Variants in ATP10B observed in about 807,000 individuals in gnomAD.
ATP10B encodes the protein phospholipid-transporting ATPase VB.
A neutral mutation model predicts 141.2 loss-of-function variants in ATP10B; 122 were observed. The observed-to-expected ratio is 0.86, with a 90% CI of 0.75 to 1.00. ATP10B has a LOEUF of 1.00. Ranked by LOEUF, ATP10B falls within the 50% of genes least tolerant of loss-of-function variation. ATP10B has a pLI of 0.00. For synonymous variants in ATP10B, 685 were observed against 692.0 expected (o/e 0.99, Z 0.16); for missense variants, 1,876 against 1,825.3 (o/e 1.03, Z -0.51).
At chr5:160,766,714 A>G (rs1769461977) in intron 2 of ATP10B, among the ~76,000 whole-genome samples, 1 of 152,234 alleles carries the variant, frequency 6.6e-6, no homozygotes, top group Non-Finnish European at 1.5e-5. Context: ...TTAACCAAAT[A>G]CCACCTGTTC....
At chr5:160,621,841 C>T (rs1561662102) in intron 14 of ATP10B, among the ~76,000 whole-genome samples, 1 of 152,112 alleles carries the variant, frequency 6.6e-6, no homozygotes, top group Non-Finnish European at 1.5e-5. Context: ...GCATTTTTTT[C>T]CATGGGAAGA....
At chr5:160,591,773 T>C (rs7737213) in intron 22 of ATP10B, among the ~76,000 whole-genome samples, 110,708 of 152,048 alleles carry the variant, frequency 0.73, 41,031 homozygotes, top group East Asian at 0.84. Context: ...AGGAATTTGC[T>C]ATGCAGTCAG....
At chr5:160,802,074 G>A (rs1204630527) in intron 1 of ATP10B, among the ~76,000 whole-genome samples, 1 of 152,194 alleles carries the variant, frequency 6.6e-6, no homozygotes, top group African/African-American at 2.4e-5. Context: ...TGTTGGTTGA[G>A]ACGTTGAAGG....
chr5:160,735,526 T>G (rs1322443223), intron 2 of ATP10B, among the ~76,000 whole-genome samples: 1 of 152,080 alleles, frequency 6.6e-6, no homozygotes, highest in Non-Finnish European at 1.5e-5. Context: ...AAGAGAGAGA[T>G]AGACCCCAAT....
At position 160,563,934 on chromosome 5, in the gene ATP10B, GCAGTGAAACAGTGTATTAGCTCCAGGA is replaced by G. The variant is rs1754396858; in HGVS notation, c.*1492_*1518del. On this transcript the variant is annotated 3_prime_UTR_variant, in exon 26 of 26. Transcript: ENST00000327245. ...GTGCTGGCATCATTATATGGCAGAG[GCAGTGAAACAGTGTATTAGCTCCAGGA>G]CAGTGCTGCAAATGGCCCTTCCAGT... 1 of 152,196 alleles carries G rather than the reference GCAGTGAAACAGTGTATTAGCTCCAGGA, an allele frequency of 6.6e-6. No individual in the cohort carries two copies. Among genetic ancestry groups the G allele is most frequent in the Non-Finnish European group, 1.5e-5 (1 of 68,050 alleles). The allele number at this position is 152,196 out of a possible 1,614,324, so 9.4% of individuals were successfully genotyped here.
chr5:160,875,331 T>C, the ATP10B span, among the ~76,000 whole-genome samples: 1 of 85,832 alleles, frequency 1.2e-5, no homozygotes, highest in Admixed American at 1.2e-4. Flanking sequence ...GACAAGCAAA[T>C]GCTGAGAGAT....
At chr5:160,873,841 G>C in the ATP10B span, among the ~76,000 whole-genome samples, 5 of 152,210 alleles carry the variant, frequency 3.3e-5, no homozygotes, top group Admixed American at 6.5e-5. Flanking sequence ...TTAAAAAATG[G>C]TGCACCACGA....
chr5:160,628,656 C>T (rs1033099533), intron 13 of ATP10B, among the ~76,000 whole-genome samples: 3 of 152,096 alleles, frequency 2.0e-5, no homozygotes, highest in African/African-American at 7.2e-5. Context: ...GCCTAACTGG[C>T]CCCAATACAA....
In ATP10B at chr5:160,565,269, G is replaced by T; in HGVS notation, c.*184C>A. 1.6e-6 allele frequency: 1 copy of T among 621,718 alleles called. No individual in the cohort carries two copies. The highest frequency in any genetic ancestry group is 2.8e-6 in the Non-Finnish European group (1 of 357,822). The allele number at this position is 621,718 out of a possible 1,614,324, so 38.5% of individuals were successfully genotyped here. A position where few individuals can be genotyped will look rare whatever the true frequency, so the allele number is the denominator to read the frequency against. On this transcript the variant is annotated 3_prime_UTR_variant, in exon 26 of 26. Coordinates refer to ENST00000327245, the MANE Select transcript of ATP10B (RefSeq NM_025153.3). ...TGAGAGCAGCAGAAAACTAGAGGCC[G>T]ACTGGGTTTCCCGTCTTTGTGTCAG...
At chr5:160,843,901 T>TAA (rs1198096402) in intron 1 of ATP10B, among the ~76,000 whole-genome samples, 2 of 152,106 alleles carry the variant, frequency 1.3e-5, no homozygotes, top group African/African-American at 4.8e-5. Context: ...TACTTTTCTG[T>TAA]AATTTATTTT....
At chr5:160,722,101 G>A (rs573160616) in intron 2 of ATP10B, among the ~76,000 whole-genome samples, 2 of 152,268 alleles carry the variant, frequency 1.3e-5, no homozygotes, top group East Asian at 3.9e-4. Context: ...TGTCATAAGT[G>A]GCTGTTAACT....
At chr5:160,813,343 G>A (rs992370258) in intron 1 of ATP10B, among the ~76,000 whole-genome samples, 38 of 152,168 alleles carry the variant, frequency 2.5e-4, no homozygotes, top group African/African-American at 8.0e-4. Context: ...TATATCCCGC[G>A]CATGGCTTGG....
At chr5:160,899,261 G>T in the ATP10B span, among the ~76,000 whole-genome samples, 1 of 151,990 alleles carries the variant, frequency 6.6e-6, no homozygotes, top group African/African-American at 2.4e-5. Context: ...GGGTTATGAA[G>T]AAAAATACTG....
At chr5:160,648,897 A>T (rs570246429) in intron 8 of ATP10B, among the ~76,000 whole-genome samples, 10 of 150,614 alleles carry the variant, frequency 6.6e-5, no homozygotes, top group Non-Finnish European at 1.5e-4. Context: ...ATCAGAGCAC[A>T]ATCTTGATTT....
chr5:160,736,552 AG>A (rs1214759956), intron 2 of ATP10B, among the ~76,000 whole-genome samples: 1 of 152,196 alleles, frequency 6.6e-6, no homozygotes, highest in African/African-American at 2.4e-5. Flanking sequence ...TCATGAGGTC[AG>A]GAGTTCGCCC....
intron 1 of ATP10B, among the ~76,000 whole-genome samples, chr5:160,823,017 T>TAC (rs1240564065): frequency 1.7e-5 from 2 of 121,072 alleles, no homozygotes; most frequent in African/African-American, 6.1e-5. Flanking sequence ...TATATATATA[T>TAC]ATATATATAT....
chr5:160,874,757 T>G, the ATP10B span, among the ~76,000 whole-genome samples: 1 of 151,834 alleles, frequency 6.6e-6, no homozygotes, highest in Non-Finnish European at 1.5e-5. Context: ...CAGGAGCCGA[T>G]GCGATCAACT....
At chr5:160,911,981 A>G in the ATP10B span, among the ~76,000 whole-genome samples, 1 of 152,202 alleles carries the variant, frequency 6.6e-6, no homozygotes, top group East Asian at 1.9e-4. Context: ...ATATTTAAAT[A>G]AACACTTTGC....
intron 24 of ATP10B, among the ~76,000 whole-genome samples, chr5:160,574,931 G>T (rs1459959391): frequency 6.6e-6 from 1 of 151,878 alleles, no homozygotes; most frequent in African/African-American, 2.4e-5. Flanking sequence ...AGAGCTATGA[G>T]AAATATATTT....
Sources: gnomAD v4.1 joint callset for allele counts (sites outside exome capture counted in the v4.1 genomes callset) on GRCh38, gnomAD v4.1.1 for gene constraint, MANE v1.5 for transcripts, NCBI Gene and HGNC (gene_info 2026-07-23, HGNC 2026-07-21) for gene names.